C12orf42: variants seen among roughly 807,000 people sequenced by gnomAD.
C12orf42 encodes the protein uncharacterized protein C12orf42.
C12orf42 carries 25 observed loss-of-function variants against 21.6 expected under a neutral mutation model. The ratio of observed to expected loss-of-function variants is 1.16; its 90% confidence interval spans 0.84 to 1.62. C12orf42 has a LOEUF of 1.62. C12orf42 is among the 40% of genes most tolerant of loss of function. The probability of loss-of-function intolerance (pLI) is 0.00; values close to 1 mark genes in which losing one functional copy is unlikely to be tolerated. For synonymous variants in C12orf42, 174 were observed against 175.0 expected (o/e 0.99, Z 0.05); for missense variants, 483 against 459.3 (o/e 1.05, Z -0.47).
intron 4 of C12orf42, among the ~76,000 whole-genome samples, chr12:103,353,485 G>A (rs1238806033): frequency 6.6e-6 from 1 of 152,036 alleles, no homozygotes; most frequent in East Asian, 1.9e-4. Context: ...CTTCTGCTTT[G>A]TGCTTGAGTT....
chr12:103,199,523 G>T, the C12orf42 span, among the ~76,000 whole-genome samples: 1 of 152,204 alleles, frequency 6.6e-6, no homozygotes, highest in East Asian at 1.9e-4. Context: ...ATGAGAAGGC[G>T]ACTGACAGAA....
Position 103,476,407 on chromosome 12 carries a change from C to G in C12orf42, c.78+1942G>C, listed in dbSNP as rs546519794. 2.8e-4 allele frequency among the ~76,000 whole-genome samples: 42 copies of G among 152,306 alleles called. 1 individual carries two copies. The South Asian group carries it at 8.1e-3, about 29-fold the overall frequency. On this transcript the variant is annotated intron_variant, in intron 2 of 5. Transcript: ENST00000548883. The stretch of plus-strand genomic sequence containing the variant: ...TTTTTGGACCCAAGAGGAAAAGAAA[C>G]TCTCTCTTCCCATAATGAGTCCAAA...
chr12:103,343,864 C>G (rs987395302), intron 4 of C12orf42, among the ~76,000 whole-genome samples: 39 of 152,022 alleles, frequency 2.6e-4, no homozygotes, highest in African/African-American at 7.7e-4. Flanking sequence ...TTTACTAATA[C>G]CCCAATTAAA....
the C12orf42 span, among the ~76,000 whole-genome samples, chr12:103,536,162 G>C: frequency 6.6e-6 from 1 of 152,228 alleles, no homozygotes; most frequent in South Asian, 2.1e-4. Flanking sequence ...ATTAGGAGCA[G>C]TTGTGGGGAC....
chr12:103,298,544 A>G (rs1264195286), downstream of C12orf42, among the ~76,000 whole-genome samples: 1 of 152,228 alleles, frequency 6.6e-6, no homozygotes, highest in Non-Finnish European at 1.5e-5. Context: ...GGTAATTTAT[A>G]GATTCAATGC....
At chr12:103,342,495 C>T (rs2042249412) in intron 4 of C12orf42, among the ~76,000 whole-genome samples, 1 of 151,930 alleles carries the variant, frequency 6.6e-6, no homozygotes. Context: ...ATCTAATCCC[C>T]AAATCTGGCC....
At chr12:103,535,859 C>A in the C12orf42 span, among the ~76,000 whole-genome samples, 1 of 152,138 alleles carries the variant, frequency 6.6e-6, no homozygotes, top group East Asian at 1.9e-4. Context: ...CTCACTGCAA[C>A]CTAGATTGCC....
At chr12:103,099,447 C>A in the C12orf42 span, among the ~76,000 whole-genome samples, 3 of 152,174 alleles carry the variant, frequency 2.0e-5, no homozygotes, top group Non-Finnish European at 4.4e-5. Flanking sequence ...GAGGTATTTA[C>A]AAGAGCATAC....
intron 3 of C12orf42, among the ~76,000 whole-genome samples, chr12:103,373,864 C>T (rs768783574): frequency 6.6e-6 from 1 of 152,162 alleles, no homozygotes; most frequent in Non-Finnish European, 1.5e-5. Context: ...ACTAGGTATA[C>T]AAATCCAAGT....
chr12:103,251,050 A>G (rs1164663822), intron 10 of C12orf42, among the ~76,000 whole-genome samples: 3 of 152,086 alleles, frequency 2.0e-5, no homozygotes, highest in African/African-American at 7.2e-5. Flanking sequence ...TCATTCACCT[A>G]GTGTTTATCA....
chr12:103,281,352 A>G (rs760239722), intron 4 of C12orf42, among the ~76,000 whole-genome samples: 8 of 152,120 alleles, frequency 5.3e-5, no homozygotes, highest in Non-Finnish European at 1.0e-4. Flanking sequence ...CTACTTTTGT[A>G]TCATCCTGAC....
chr12:103,093,063 C>T, the C12orf42 span, among the ~76,000 whole-genome samples: 1 of 152,202 alleles, frequency 6.6e-6, no homozygotes, highest in Non-Finnish European at 1.5e-5. Flanking sequence ...TTTCTTTCAA[C>T]ATTTCTTCTT....
chr12:103,146,887 A>G, the C12orf42 span, among the ~76,000 whole-genome samples: 1 of 152,194 alleles, frequency 6.6e-6, no homozygotes, highest in Non-Finnish European at 1.5e-5. Flanking sequence ...CCATGGGAAG[A>G]AGATGAGAAA....
chr12:103,209,368 A>G, the C12orf42 span, among the ~76,000 whole-genome samples: 2 of 152,356 alleles, frequency 1.3e-5, no homozygotes, highest in East Asian at 3.9e-4. Context: ...GAGGAGACAC[A>G]ACAGAGAACA....
At chr12:103,548,203 T>C in the C12orf42 span, among the ~76,000 whole-genome samples, 1 of 152,226 alleles carries the variant, frequency 6.6e-6, no homozygotes, top group East Asian at 1.9e-4. Flanking sequence ...TTTGCTTAGA[T>C]AGCCCTTTGC....
chr12:103,376,984 C>T (rs1237794119), intron 3 of C12orf42, among the ~76,000 whole-genome samples: 3 of 151,764 alleles, frequency 2.0e-5, no homozygotes, highest in Non-Finnish European at 4.4e-5. Context: ...CTTCCTTTAA[C>T]TTATCTTTTC....
intron 2 of C12orf42, among the ~76,000 whole-genome samples, chr12:103,422,264 C>G (rs1282107404): frequency 6.6e-6 from 1 of 152,180 alleles, no homozygotes; most frequent in Admixed American, 6.5e-5. Context: ...ATTTGCAGTA[C>G]TTTCAAGAAA....
chr12:103,263,659 A>G (rs761904959), downstream of C12orf42, among the ~76,000 whole-genome samples: 4 of 152,088 alleles, frequency 2.6e-5, no homozygotes, highest in Non-Finnish European at 5.9e-5. Flanking sequence ...CCTGCATTTG[A>G]TACCATAAGG....
chr12:103,367,659 T>A (rs2044732799), intron 4 of C12orf42, among the ~76,000 whole-genome samples: 1 of 151,912 alleles, frequency 6.6e-6, no homozygotes, highest in Non-Finnish European at 1.5e-5. Context: ...TAAAAGTGTT[T>A]TCCCATGGGA....
Sources: allele counts gnomAD v4.1 joint callset (sites outside exome capture counted in the v4.1 genomes callset), GRCh38; gene constraint gnomAD v4.1.1; transcripts MANE v1.5; gene names NCBI Gene and HGNC (gene_info 2026-07-23, HGNC 2026-07-21).